Variants in ZDHHC21 observed in about 807,000 individuals in gnomAD.
ZDHHC21 encodes the protein zDHHC palmitoyltransferase 21.
Under a neutral mutation model 34.6 loss-of-function variants are expected in ZDHHC21, and 15 were observed. The observed-to-expected ratio is 0.43, with a 90% CI of 0.29 to 0.67. ZDHHC21 has a LOEUF of 0.67. Among genes scored for constraint, ZDHHC21 ranks in the 30% least tolerant of loss-of-function variants. ZDHHC21 has a pLI of 0.14. For synonymous variants in ZDHHC21, 142 were observed against 101.8 expected (o/e 1.40, Z -2.38); for missense variants, 344 against 327.7 (o/e 1.05, Z -0.38).
At chr9:14,638,883 G>T (rs190055476) in intron 8 of ZDHHC21, among the ~76,000 whole-genome samples, 1 of 152,000 alleles carries the variant, frequency 6.6e-6, no homozygotes, top group Non-Finnish European at 1.5e-5. Flanking sequence ...CAGAGAAAAG[G>T]GAACTCTTGT....
At chr9:14,622,767 C>T in intron 8 of ZDHHC21, 1 of 982,562 alleles carries the variant, frequency 1.0e-6, no homozygotes, top group Non-Finnish European at 1.2e-6. Flanking sequence ...AGAGCCATTG[C>T]CTCTGGACCT....
rs1222985272 is a variant in ZDHHC21 at position 14,690,386 on chromosome 9, C to T, written c.-224-1G>A. 3 of 455,604 alleles carry T rather than the reference C, an allele frequency of 6.6e-6. No homozygotes were observed. Among genetic ancestry groups the T allele is most frequent in the South Asian group, 3.1e-5 (2 of 64,274 alleles). 28.2% of individuals were successfully genotyped at this position (455,604 alleles called of 1,614,324 possible). ...GCAGTAAGTGAAAAAGTTCTTCATT[C>T]TGTAATTACAGATAAAAAGCTTAAA... On this transcript the variant is annotated splice_acceptor_variant, in intron 1 of 9. Coordinates refer to ENST00000380916, the MANE Select transcript of ZDHHC21 (RefSeq NM_178566.6). LOFTEE classifies it low-confidence loss of function (5UTR_SPLICE).
At chr9:14,603,726 T>C in the ZDHHC21 span, among the ~76,000 whole-genome samples, 4 of 152,172 alleles carry the variant, frequency 2.6e-5, no homozygotes, top group South Asian at 4.1e-4. Context: ...TACAAATTTA[T>C]CTACCTGTGA....
intron 8 of ZDHHC21, among the ~76,000 whole-genome samples, chr9:14,623,530 T>TA (rs201339505): frequency 1.2e-3 from 170 of 141,742 alleles, no homozygotes; most frequent in East Asian, 5.1e-3. Flanking sequence ...TCCTGTCTCT[T>TA]AAAAAAAAAA....
intron 7 of ZDHHC21, among the ~76,000 whole-genome samples, chr9:14,656,307 T>C (rs1832196883): frequency 6.6e-6 from 1 of 151,924 alleles, no homozygotes; most frequent in African/African-American, 2.4e-5. Flanking sequence ...TAAACTTAAG[T>C]AGGTTAGAAC....
rs1371414322 is a variant in ZDHHC21 at position 14,612,284 on chromosome 9, C to T, written c.*6682G>A. The T allele has an allele frequency of 6.6e-6, 1 of 151,906 alleles. No homozygotes were observed. The highest frequency in any genetic ancestry group is 1.5e-5 in the Non-Finnish European group (1 of 67,916). 9.4% of individuals were successfully genotyped at this position (151,906 alleles called of 1,614,324 possible). A position where few individuals can be genotyped will look rare whatever the true frequency, so the allele number is the denominator to read the frequency against. ...ACATTCAAGGAGAGGTTGATTTTAG[C>T]TAACAATAATGCAAAATATTTTCAA... On this transcript the variant is annotated 3_prime_UTR_variant, in exon 10 of 10. Coordinates refer to ENST00000380916, the MANE Select transcript of ZDHHC21 (RefSeq NM_178566.6).
chr9:14,609,701 G>GAA (rs943212053), downstream of ZDHHC21, among the ~76,000 whole-genome samples: 12 of 151,972 alleles, frequency 7.9e-5, no homozygotes, highest in Non-Finnish European at 1.6e-4. Context: ...ATGGCTAAAA[G>GAA]AACTTTCCAA....
intron 8 of ZDHHC21, among the ~76,000 whole-genome samples, chr9:14,633,476 AGAG>A (rs1827720698): frequency 6.6e-6 from 1 of 152,148 alleles, no homozygotes; most frequent in African/African-American, 2.4e-5. Flanking sequence ...ACCGCTCCAG[AGAG>A]GAGGATCATG....
downstream of ZDHHC21, among the ~76,000 whole-genome samples, chr9:14,609,642 C>T (rs1260831456): frequency 6.6e-6 from 1 of 152,000 alleles, no homozygotes. Context: ...AAAAGCAATA[C>T]TTACTTTTCT....
At chr9:14,598,456 T>TTC in the ZDHHC21 span, among the ~76,000 whole-genome samples, 4 of 152,168 alleles carry the variant, frequency 2.6e-5, no homozygotes, top group East Asian at 7.7e-4. Flanking sequence ...GAAAAAGTAT[T>TTC]TCCCTATGAA....
At chr9:14,683,348 T>TA (rs1379948175) in intron 2 of ZDHHC21, among the ~76,000 whole-genome samples, 1 of 151,822 alleles carries the variant, frequency 6.6e-6, no homozygotes, top group Non-Finnish European at 1.5e-5. Context: ...ATAGACGCAA[T>TA]AAAAAATGAT....
intron 8 of ZDHHC21, among the ~76,000 whole-genome samples, chr9:14,630,517 T>C (rs1827150679): frequency 6.6e-6 from 1 of 152,224 alleles, no homozygotes; most frequent in South Asian, 2.1e-4. Context: ...ATATTGTTAT[T>C]TTGGTCCCCT....
At position 14,615,656 on chromosome 9, in the gene ZDHHC21, A is replaced by C. The variant is rs1445288517; in HGVS notation, c.*3310T>G. ...ATGCCTACTGCTTGAAGGGTCCTGA[A>C]CTCAGTCCATTTTTGCCTACAATCT... is the stretch of plus-strand genomic sequence containing the variant. On this transcript the variant is annotated 3_prime_UTR_variant, in exon 10 of 10. Coordinates refer to ENST00000380916, the MANE Select transcript of ZDHHC21 (RefSeq NM_178566.6). The C allele has an allele frequency of 1.3e-5, 2 of 151,508 alleles. No individual in the cohort carries two copies. The highest frequency in any genetic ancestry group is 4.8e-5 in the African/African-American group (2 of 41,336). 9.4% of individuals were successfully genotyped at this position (151,508 alleles called of 1,614,324 possible).
chr9:14,606,139 G>A (rs189928165), downstream of ZDHHC21, among the ~76,000 whole-genome samples: 1 of 152,016 alleles, frequency 6.6e-6, no homozygotes, highest in Non-Finnish European at 1.5e-5. Flanking sequence ...ATGATGATTG[G>A]GCAAATTTAA....
intron 8 of ZDHHC21, among the ~76,000 whole-genome samples, chr9:14,624,802 T>C (rs1825924801): frequency 6.6e-6 from 1 of 152,092 alleles, no homozygotes. Context: ...GGATTTCGGA[T>C]GTTCTCACCA....
chr9:14,683,326 G>C (rs919538864), intron 2 of ZDHHC21, among the ~76,000 whole-genome samples: 11 of 151,886 alleles, frequency 7.2e-5, no homozygotes, highest in East Asian at 3.9e-4. Context: ...GAAGAAAAGA[G>C]AGAAGAATCA....
intron 5 of ZDHHC21, among the ~76,000 whole-genome samples, chr9:14,663,134 C>G (rs1833702549): frequency 6.6e-6 from 1 of 152,102 alleles, no homozygotes; most frequent in Non-Finnish European, 1.5e-5. Flanking sequence ...CTAATTAGGT[C>G]CGCGAAAACT....
At position 14,688,471 on chromosome 9, in the gene ZDHHC21, T is replaced by C. The variant is rs1838683648; in HGVS notation, c.-176+1866A>G. Among the ~76,000 whole-genome samples the C allele has an allele frequency of 1.3e-5, 2 of 150,814 alleles. 1 individual carries two copies. The highest frequency in any genetic ancestry group is 5.0e-5 in the African/African-American group (2 of 40,116). The stretch of plus-strand genomic sequence containing the variant: ...CAGGGCCTGCTCTTGCCTGTGATCA[T>C]ACCATGTTGGGAGGTGAGTAGGGGT... On this transcript the variant is annotated intron_variant, in intron 2 of 9. Transcript: ENST00000380916.
chr9:14,632,007 G>T (rs140063028), intron 8 of ZDHHC21, among the ~76,000 whole-genome samples: 2 of 151,534 alleles, frequency 1.3e-5, no homozygotes, highest in Admixed American at 6.6e-5. Flanking sequence ...ATATTGTACC[G>T]AAAGACTTAC....
Sources: gnomAD v4.1 joint callset for allele counts (sites outside exome capture counted in the v4.1 genomes callset) on GRCh38, gnomAD v4.1.1 for gene constraint, MANE v1.5 for transcripts, NCBI Gene and HGNC (gene_info 2026-07-23, HGNC 2026-07-21) for gene names.